Variants in DACH2 observed in about 807,000 individuals in gnomAD.
DACH2 encodes the protein dachshund homolog 2.
In DACH2, 17 loss-of-function variants were observed where a neutral mutation model predicts 35.8. The ratio of observed to expected loss-of-function variants is 0.48; its 90% CI spans 0.33 to 0.71. DACH2 has a LOEUF of 0.71. DACH2 is among the 30% of genes least tolerant of loss of function. DACH2 has a pLI of 0.02. For missense variants in DACH2, 469 were observed against 472.7 expected (o/e 0.99, Z 0.07); for synonymous variants, 195 against 177.3 (o/e 1.10, Z -0.79).
intron 7 of DACH2, among the ~76,000 whole-genome samples, chrX:86,764,638 C>A (rs749105688): frequency 3.3e-4 from 37 of 111,299 alleles, no homozygotes; most frequent in Non-Finnish European, 6.0e-4. Flanking sequence ...TGTTGATGGG[C>A]ACATAGATTG....
At chrX:86,637,196 A>G (rs1272391619) in intron 3 of DACH2, among the ~76,000 whole-genome samples, 1 of 85,651 alleles carries the variant, frequency 1.2e-5, no homozygotes, top group East Asian at 4.3e-4. Flanking sequence ...AATGGCTATT[A>G]CTGAAAAGCC....
At chrX:86,408,550 T>C (rs1476688728) in intron 2 of DACH2, among the ~76,000 whole-genome samples, 2 of 112,229 alleles carry the variant, frequency 1.8e-5, no homozygotes, top group African/African-American at 3.2e-5. Flanking sequence ...ATATAGCATC[T>C]TGGATTATTT....
At chrX:86,565,135 C>A in intron 3 of DACH2, among the ~76,000 whole-genome samples, 1 of 111,415 alleles carries the variant, frequency 9.0e-6, no homozygotes, top group South Asian at 3.7e-4. Context: ...ACCATTCAAA[C>A]CTTATTTATC....
At chrX:86,260,423 C>T (rs1326897175) in intron 1 of DACH2, among the ~76,000 whole-genome samples, 1 of 111,707 alleles carries the variant, frequency 9.0e-6, no homozygotes, top group Admixed American at 9.5e-5. Context: ...TTTCACAGGT[C>T]ACTGAGCTGG....
chrX:86,608,136 C>T (rs2039884460), intron 3 of DACH2, among the ~76,000 whole-genome samples: 1 of 111,020 alleles, frequency 9.0e-6, no homozygotes, highest in Admixed American at 9.6e-5. Flanking sequence ...CAAAAGAAGA[C>T]ATTTATGCAG....
intron 3 of DACH2, among the ~76,000 whole-genome samples, chrX:86,622,825 C>T (rs1038250383): frequency 2.6e-4 from 29 of 110,897 alleles, no homozygotes; most frequent in African/African-American, 9.5e-4. Context: ...ATTAATCAAA[C>T]TATAGGGAAA....
In DACH2 at chrX:86,337,856, G is replaced by A. The variant is rs772076391; in HGVS notation, c.489-38968G>A. 1.5e-4 allele frequency among the ~76,000 whole-genome samples: 17 copies of A among 111,387 alleles called. 1 individual carries two copies. In the South Asian group the frequency reaches 5.7e-3, roughly 37 times the overall value. Reference sequence around the variant, plus strand: ...AGACACACACAGGCTCAAAATAAAGGGATGTAGGATTATTTACCAAGTAAA... The same window carrying A: ...AGACACACACAGGCTCAAAATAAAGAGATGTAGGATTATTTACCAAGTAAA... On this transcript the variant is annotated intron_variant, in intron 1 of 11. Transcript: ENST00000373125.
At position 86,656,877 on chromosome X, in the gene DACH2, A is replaced by ATATATATATATG. The variant is rs1353233748; in HGVS notation, c.772+5721_772+5722insGTATATATATAT. Among the ~76,000 whole-genome samples, 231 of 98,620 alleles carry ATATATATATATG rather than the reference A, an allele frequency of 2.3e-3. 3 individuals are homozygous for ATATATATATATG. Among genetic ancestry groups the ATATATATATATG allele is most frequent in the African/African-American group, 8.3e-3 (224 of 26,833 alleles). The allele number at this position is 98,620 out of a possible 115,157, so 85.6% of individuals were successfully genotyped here. ...TGTGTGTATATATATATATATATAT[A>ATATATATATATG]TATATATATATATAGTGAAGTAGTG... On this transcript the variant is annotated intron_variant, in intron 4 of 11. Coordinates refer to ENST00000373125, the MANE Select transcript of DACH2 (RefSeq NM_053281.3).
At chrX:86,575,118 G>A (rs975072874) in intron 3 of DACH2, among the ~76,000 whole-genome samples, 7 of 110,857 alleles carry the variant, frequency 6.3e-5, no homozygotes, top group African/African-American at 2.3e-4. Context: ...ATGTCAGGTT[G>A]GGCACTTGCT....
chrX:86,716,537 A>G (rs748836459), intron 6 of DACH2, among the ~76,000 whole-genome samples: 20 of 111,641 alleles, frequency 1.8e-4, no homozygotes, highest in Non-Finnish European at 3.2e-4. Flanking sequence ...CTCTAAAACA[A>G]ACAGACAAAC....
At chrX:86,618,008 G>C (rs1230400237) in intron 3 of DACH2, among the ~76,000 whole-genome samples, 1 of 112,291 alleles carries the variant, frequency 8.9e-6, no homozygotes, top group Non-Finnish European at 1.9e-5. Context: ...GAGCATACTG[G>C]CTTGTGCCTG....
intron 3 of DACH2, among the ~76,000 whole-genome samples, chrX:86,556,256 C>G (rs753751076): frequency 1.8e-5 from 2 of 111,116 alleles, no homozygotes; most frequent in African/African-American, 6.5e-5. Flanking sequence ...TCTCATTTAT[C>G]GACCTAGAAA....
intron 3 of DACH2, among the ~76,000 whole-genome samples, chrX:86,643,601 A>G (rs66900921): frequency 0.12 from 13,811 of 110,945 alleles, 752 homozygotes; most frequent in East Asian, 0.32. Context: ...CTCCTCCCCA[A>G]CTTATTCTAA....
intron 7 of DACH2, among the ~76,000 whole-genome samples, chrX:86,785,220 A>G (rs987637201): frequency 5.4e-5 from 6 of 112,041 alleles, no homozygotes; most frequent in East Asian, 2.8e-4. Context: ...TACTTGTAAG[A>G]CATCCACTGA....
chrX:86,797,870 T>A (rs1451524173), intron 7 of DACH2, among the ~76,000 whole-genome samples: 1 of 111,691 alleles, frequency 9.0e-6, no homozygotes, highest in Non-Finnish European at 1.9e-5. Flanking sequence ...TCACATGTCT[T>A]AATTGCTTCT....
intron 2 of DACH2, among the ~76,000 whole-genome samples, chrX:86,484,712 T>C (rs1200626631): frequency 8.9e-6 from 1 of 112,191 alleles, no homozygotes; most frequent in Non-Finnish European, 1.9e-5. Context: ...AAGGCATTTG[T>C]CTTTAATTTT....
chrX:86,519,107 A>T (rs1015674293), intron 3 of DACH2, among the ~76,000 whole-genome samples: 2 of 111,852 alleles, frequency 1.8e-5, no homozygotes, highest in Non-Finnish European at 3.8e-5. Context: ...TAACATGAAG[A>T]TGTGTTGAAT....
At chrX:86,499,850 A>C (rs1307521926) in intron 2 of DACH2, among the ~76,000 whole-genome samples, 1 of 111,908 alleles carries the variant, frequency 8.9e-6, no homozygotes, top group Non-Finnish European at 1.9e-5. Flanking sequence ...GTGCTGGTAA[A>C]TGTTTAACAA....
chrX:86,317,328 G>T (rs1050395362), intron 1 of DACH2, among the ~76,000 whole-genome samples: 74 of 110,794 alleles, frequency 6.7e-4, no homozygotes, highest in African/African-American at 2.4e-3. Context: ...GAAACCTCTG[G>T]GTTATAGGTT....
Sources: allele counts gnomAD v4.1 joint callset (sites outside exome capture counted in the v4.1 genomes callset), GRCh38; gene constraint gnomAD v4.1.1; transcripts MANE v1.5; gene names NCBI Gene and HGNC (gene_info 2026-07-23, HGNC 2026-07-21).